TCF25: variants seen among roughly 807,000 people sequenced by gnomAD.
The protein encoded by TCF25 is TCF25 ribosome quality control complex subunit, also known as ribosome quality control complex subunit TCF25.
Under a neutral mutation model 83.1 loss-of-function variants are expected in TCF25, and 41 were observed. The ratio of observed to expected loss-of-function variants is 0.49; its 90% CI spans 0.38 to 0.64. The LOEUF is 0.64. Ranked by LOEUF, TCF25 falls within the 30% of genes least tolerant of loss-of-function variation. The pLI is 0.00. For synonymous variants in TCF25, 458 were observed against 365.0 expected (o/e 1.25, Z -2.90); for missense variants, 979 against 914.5 (o/e 1.07, Z -0.91).
chr16:89,900,489 T>C, intron 11 of TCF25, 146 bp from the exon 12 acceptor site: 1 of 859,052 alleles, frequency 1.2e-6, no homozygotes. Context: ...GTTATCTTTA[T>C]GCTGAGTTAG....
intron 3 of TCF25, 152 bp downstream of exon 3, chr16:89,884,808 C>G (rs931203474): frequency 3.1e-6 from 2 of 643,572 alleles, no homozygotes; most frequent in African/African-American, 4.3e-5. Context: ...GACGCCCTCT[C>G]CCTCTGCCTG....
intron 16 of TCF25, 42 bp downstream of exon 16, chr16:89,907,364 C>T: frequency 1.5e-6 from 2 of 1,371,664 alleles, no homozygotes; most frequent in Non-Finnish European, 2.0e-6. Flanking sequence ...GCTCCCACCT[C>T]CCTCCTCCCA....
chr16:89,892,067 C>G (rs2043474531), intron 5 of TCF25, 126 bp from the exon 6 acceptor site: 1 of 846,548 alleles, frequency 1.2e-6, no homozygotes, highest in Admixed American at 3.3e-5. Context: ...GCGTCCCCAC[C>G]CTGCCCCACA....
chr16:89,873,949 G>A, intron 1 of TCF25, 90 bp downstream of exon 1: 8 of 1,404,442 alleles, frequency 5.7e-6, no homozygotes, highest in South Asian at 1.4e-5. Context: ...GAGCGGGGTT[G>A]TGATGCCAGG....
intron 9 of TCF25, among the ~76,000 whole-genome samples, chr16:89,897,288 T>C (rs2043937973): frequency 6.6e-6 from 1 of 152,238 alleles, no homozygotes; most frequent in Non-Finnish European, 1.5e-5. Context: ...GCCATCCCTC[T>C]GGCATCAGGC....
At chr16:89,887,328 C>T (rs1438540377) in intron 4 of TCF25, among the ~76,000 whole-genome samples, 3 of 152,066 alleles carry the variant, frequency 2.0e-5, no homozygotes, top group Non-Finnish European at 2.9e-5. Flanking sequence ...TCCGTGGAGT[C>T]AGTTAAGACG....
intron 11 of TCF25, among the ~76,000 whole-genome samples, chr16:89,900,366 G>C (rs956878129): frequency 2.0e-5 from 3 of 151,904 alleles, no homozygotes; most frequent in African/African-American, 7.2e-5. Flanking sequence ...CTGGGCGGCA[G>C]GTGGGACCCT....
chr16:89,898,675 C>T (rs1297730997), intron 10 of TCF25, 26 bp downstream of exon 10: 13 of 1,612,030 alleles, frequency 8.1e-6, no homozygotes, highest in Non-Finnish European at 1.0e-5. Context: ...GGGCCAAGCC[C>T]GTCCACGCTC....
Position 89,910,677 on chromosome 16 carries a change from G to A in TCF25, c.1872+14G>A, listed in dbSNP as rs747080597. ...TATACCATGGAGGTAGGTTGAGCTC[G>A]TCCCAGCCCCTGCCTCCCCAGTGGG... is the stretch of plus-strand genomic sequence containing the variant. On this transcript the variant is annotated intron_variant, in intron 17 of 17. Coordinates refer to ENST00000263346, the MANE Select transcript of TCF25 (RefSeq NM_014972.3). 5 of 1,612,882 alleles carry A rather than the reference G, an allele frequency of 3.1e-6. No individual in the cohort carries two copies. The highest frequency in any genetic ancestry group is 2.7e-5 in the African/African-American group (2 of 74,954).
At chr16:89,903,303 G>T (rs895372311) in intron 12 of TCF25, among the ~76,000 whole-genome samples, 3 of 152,256 alleles carry the variant, frequency 2.0e-5, no homozygotes, top group African/African-American at 7.2e-5. Context: ...TCAACCTGCA[G>T]TGCTGGCTCT....
intron 13 of TCF25, chr16:89,904,448 C>G (rs904393601): frequency 1.4e-5 from 8 of 568,968 alleles, no homozygotes; most frequent in Non-Finnish European, 2.2e-5. Flanking sequence ...AAAGAGGGTG[C>G]CAGGCGTGGC....
In TCF25 at chr16:89,895,986, A is replaced by G. The variant is rs2293586; in HGVS notation, c.929-4A>G. 221,771 of 1,612,640 alleles carry G rather than the reference A, an allele frequency of 0.14. 22,237 individuals carry two copies. Among genetic ancestry groups the G allele is most frequent in the African/African-American group, 0.51 (38,501 of 74,948 alleles). On this transcript the variant is annotated splice_region_variant and splice_polypyrimidine_tract_variant and intron_variant, in intron 8 of 17. Coordinates refer to ENST00000263346, the MANE Select transcript of TCF25 (RefSeq NM_014972.3). ...ACCCTCCCCTGGCGTCCCTGTGCCC[A>G]CAGAGAGAGCGCTGTACAGCATGGA...
At chr16:89,887,963 C>T (rs1393165566) in intron 5 of TCF25, among the ~76,000 whole-genome samples, 2 of 152,174 alleles carry the variant, frequency 1.3e-5, no homozygotes, top group African/African-American at 2.4e-5. Context: ...CTGCCTTGTC[C>T]AGCATGAGGT....
At chr16:89,877,946 C>T (rs2143922290) in intron 1 of TCF25, among the ~76,000 whole-genome samples, 1 of 152,190 alleles carries the variant, frequency 6.6e-6, no homozygotes, top group East Asian at 1.9e-4. Flanking sequence ...AAAATCTGAG[C>T]CCTTTTATCT....
At chr16:89,885,636 G>A (rs998095901) in intron 3 of TCF25, among the ~76,000 whole-genome samples, 1 of 152,112 alleles carries the variant, frequency 6.6e-6, no homozygotes, top group African/African-American at 2.4e-5. Context: ...GGGTCCTTCT[G>A]GTTCTGTGAT....
intron 1 of TCF25, among the ~76,000 whole-genome samples, chr16:89,880,225 G>A (rs541526884): frequency 2.6e-5 from 4 of 152,254 alleles, no homozygotes; most frequent in African/African-American, 9.6e-5. Context: ...TTATGAATTC[G>A]ATTTGTCAAA....
At chr16:89,908,841 C>A (rs2045302900) in intron 16 of TCF25, 4 of 1,077,474 alleles carry the variant, frequency 3.7e-6, no homozygotes, top group South Asian at 1.5e-5. Flanking sequence ...TCCCACCTCG[C>A]AGCTCCCAGC....
At chr16:89,908,219 G>A (rs1394955526) in intron 16 of TCF25, among the ~76,000 whole-genome samples, 5 of 22,474 alleles carry the variant, frequency 2.2e-4, no homozygotes, top group Non-Finnish European at 3.3e-4. Flanking sequence ...TTCCAACCCC[G>A]CCTCCCTCCT....
chr16:89,910,494 T>C (rs1433577215), intron 16 of TCF25, 97 bp from the exon 17 acceptor site: 1 of 1,314,666 alleles, frequency 7.6e-7, no homozygotes, highest in Non-Finnish European at 1.1e-6. Context: ...TCCGTGTCCC[T>C]GCGAGGGAGG....
Sources: gnomAD v4.1 joint callset for allele counts (sites outside exome capture counted in the v4.1 genomes callset) on GRCh38, gnomAD v4.1.1 for gene constraint, MANE v1.5 for transcripts, NCBI Gene and HGNC (gene_info 2026-07-23, HGNC 2026-07-21) for gene names.